PLA2G4B: variants seen among roughly 807,000 people sequenced by gnomAD.
The protein encoded by PLA2G4B is phospholipase A2 group IVB, also known as cytosolic phospholipase A2 beta.
A neutral mutation model predicts 95.8 loss-of-function variants in PLA2G4B; 122 were observed. That is an observed-to-expected ratio of 1.27 (90% CI 1.10 to 1.48). The LOEUF (loss-of-function observed/expected upper bound fraction) is 1.48, where lower values mean the gene tolerates loss of function less well. Among genes scored for constraint, PLA2G4B ranks in the 40% most tolerant of loss-of-function variants. PLA2G4B has a pLI of 0.00. For missense variants in PLA2G4B, 1,158 were observed against 996.2 expected (o/e 1.16, Z -2.19); for synonymous variants, 518 against 421.5 (o/e 1.23, Z -2.80).
chr15:41,848,128 C>T lies in PLA2G4B; in HGVS notation c.*268C>T. ...TGAGTAGTTGGAGCACTTGATACAT[C>T]ACAGACTCATACAAATGTGAGGCGC... On this transcript the variant is annotated 3_prime_UTR_variant, in exon 20 of 20. Transcript: ENST00000458483. 1.7e-6 allele frequency: 1 copy of T among 573,848 alleles called. No individual in the cohort carries two copies. 35.5% of individuals were successfully genotyped at this position (573,848 alleles called of 1,614,324 possible).
Position 41,843,768 on chromosome 15 carries a change from T to C in PLA2G4B, c.836T>C (p.Leu279Ser). 1 of 1,613,850 alleles carries C rather than the reference T, an allele frequency of 6.2e-7. No individual in the cohort carries two copies. The highest frequency in any genetic ancestry group is 8.5e-7 in the Non-Finnish European group (1 of 1,179,800). The change falls in exon 11 of 20, where the codon TTG (leucine) becomes TCG (serine). Residue 279 changes from leucine (L) to serine (S), a missense_variant. Physicochemically the swap from Leu to Ser is moderately radical, Grantham distance 145. Transcript: ENST00000458483. ...AGGAAGCAGGTGGTGGCCGCGGCCT[T>C]GAGGCAGGCCCTGCAGCTGGACGGA... is the stretch of plus-strand genomic sequence containing the variant. ...SRRKQVVAAA[L>S]RQALQLDGDL...
rs1192212665 is a variant in PLA2G4B at position 41,845,979 on chromosome 15, A to G, written c.1532A>G (p.Asp511Gly). ...AACCTGTATGCAGCCAACCTCCAGG[A>G]CAGCTTATACTGGGCCTCAGAGCCC... The part of the protein sequence containing the change: ...WSNLYAANLQ[D>G]SLYWASEPSQ... The change falls in exon 16 of 20, where the codon GAC (aspartate) becomes GGC (glycine). Residue 511 changes from aspartate to glycine, a missense_variant. Coordinates refer to ENST00000458483, the MANE Select transcript of PLA2G4B (RefSeq NM_001114633.2). 1.3e-6 allele frequency: 2 copies of G among 1,518,910 alleles called. No individual in the cohort carries two copies. Among genetic ancestry groups the G allele is most frequent in the Non-Finnish European group, 1.8e-6 (2 of 1,134,468 alleles). 94.1% of individuals were successfully genotyped at this position (1,518,910 alleles called of 1,614,324 possible).
chr15:41,840,058 C>T (rs767196150), intron 1 of PLA2G4B, 100 bp from the exon 2 acceptor site: 19 of 1,336,574 alleles, frequency 1.4e-5, no homozygotes, highest in Non-Finnish European at 1.8e-5. Context: ...GCCTGGGGTT[C>T]AGGATTAGGC....
At position 41,841,335 on chromosome 15, in the gene PLA2G4B, C is replaced by T. The variant is rs1363933603; in HGVS notation, c.435+62C>T. 8.7e-6 allele frequency: 14 copies of T among 1,611,302 alleles called. No homozygotes were observed. The East Asian group carries it at 2.0e-4, about 23-fold the overall frequency. ...CCCCGGGACTCCCTCATGCCAGCGA[C>T]TTGAGGTACAGGCCCACCGCTGCCT... On this transcript the variant is annotated intron_variant, in intron 6 of 19. Coordinates refer to ENST00000458483, the MANE Select transcript of PLA2G4B (RefSeq NM_001114633.2).
At position 41,839,687 on chromosome 15, in the gene PLA2G4B, C is replaced by A. The variant is rs112800008; in HGVS notation, c.10-471C>A. The stretch of plus-strand genomic sequence containing the variant: ...ATGTCCCCTGCCACCCAAGACCAGC[C>A]GGAAAGCTGCTTAGCTGGGGTGTGG... On this transcript the variant is annotated intron_variant, in intron 1 of 19. Transcript: ENST00000458483. The A allele has an allele frequency of 4.4e-3, 706 of 160,790 alleles. 8 individuals carry two copies. Among genetic ancestry groups the A allele is most frequent in the African/African-American group, 0.016 (669 of 41,736 alleles). 10.0% of individuals were successfully genotyped at this position (160,790 alleles called of 1,614,324 possible). A position where few individuals can be genotyped will look rare whatever the true frequency, so the allele number is the denominator to read the frequency against.
chr15:41,841,340 G>A (rs1163422927), intron 6 of PLA2G4B, 67 bp downstream of exon 6: 5 of 1,611,324 alleles, frequency 3.1e-6, no homozygotes, highest in Non-Finnish European at 4.2e-6. Flanking sequence ...AGCGACTTGA[G>A]GTACAGGCCC....
At position 41,842,475 on chromosome 15, in the gene PLA2G4B, C is replaced by G. The variant is rs548188617; in HGVS notation, c.706-79C>G. 1.4e-4 allele frequency: 214 copies of G among 1,567,576 alleles called. 2 individuals carry two copies. The South Asian group carries it at 2.4e-3, about 17-fold the overall frequency. On this transcript the variant is annotated intron_variant, in intron 9 of 19. Coordinates refer to ENST00000458483, the MANE Select transcript of PLA2G4B (RefSeq NM_001114633.2). ...AGACGGTGGCGGGGCGGGGGTGGTG[C>G]GCCGGGGATCAGGGTAAGAGGACCA...
rs927846710 is a variant in PLA2G4B, at chr15:41,842,061, T to C, written c.621+112T>C. 1.9e-6 allele frequency: 3 copies of C among 1,559,686 alleles called. No homozygotes were observed. The African/African-American group carries it at 4.1e-5, about 21-fold the overall frequency. On this transcript the variant is annotated intron_variant, in intron 8 of 19. Transcript: ENST00000458483. Reference sequence around the variant, plus strand: ...TGGCAGAGTGGGCACCCTGGCAGCATGTGTGGGCCCATGCTGGCCTCCCCT... The same window carrying C: ...TGGCAGAGTGGGCACCCTGGCAGCACGTGTGGGCCCATGCTGGCCTCCCCT...
intron 1 of PLA2G4B, 104 bp from the exon 2 acceptor site, chr15:41,840,054 G>A: frequency 1.6e-6 from 2 of 1,269,624 alleles, no homozygotes; most frequent in Non-Finnish European, 2.2e-6. Flanking sequence ...ATGGGCCTGG[G>A]GTTCAGGATT....
rs1055878838 is a variant in PLA2G4B at position 41,840,047 on chromosome 15, G to T, written c.10-111G>T. On this transcript the variant is annotated intron_variant, in intron 1 of 19. Coordinates refer to ENST00000458483, the MANE Select transcript of PLA2G4B (RefSeq NM_001114633.2). The stretch of plus-strand genomic sequence containing the variant: ...CAGGATTCTGATGAGATGGAGGATG[G>T]GCCTGGGGTTCAGGATTAGGCCTTG... 19 of 1,195,572 alleles carry T rather than the reference G, an allele frequency of 1.6e-5. No homozygotes were observed. In the Admixed American group the frequency reaches 4.6e-4, roughly 29 times the overall value. 74.1% of individuals were successfully genotyped at this position (1,195,572 alleles called of 1,614,324 possible).
intron 1 of PLA2G4B, 138 bp downstream of exon 1, chr15:41,839,060 C>G: frequency 1.6e-6 from 1 of 639,216 alleles, no homozygotes; most frequent in Non-Finnish European, 2.6e-6. Flanking sequence ...ACCAGGGTAG[C>G]GGGCAGAAGC....
rs528331855 is a variant in PLA2G4B at position 41,847,482 on chromosome 15, T to G, written c.2093T>G (p.Phe698Cys). ...CCCGGAGCCCCTGCGGTGCTGCACT[T>G]TCCTCTGGTCAGCGACTCCTTCCGG... is the stretch of plus-strand genomic sequence containing the variant. ...TCPGAPAVLH[F>C]PLVSDSFREY... is the part of the protein sequence containing the mutation. Residue 698 changes from phenylalanine (F) to cysteine (C), a missense_variant, in exon 19 of 20, where the codon TTT (phenylalanine) becomes TGT (cysteine). By Grantham distance (205) the Phe-to-Cys change is radical. Coordinates refer to ENST00000458483, the MANE Select transcript of PLA2G4B (RefSeq NM_001114633.2). 1.9e-6 allele frequency: 3 copies of G among 1,611,002 alleles called. No individual in the cohort carries two copies. The South Asian group carries it at 3.3e-5, about 18-fold the overall frequency.
rs1460891083 is a variant in PLA2G4B, at chr15:41,845,252, A to G, written c.1289A>G (p.Gln430Arg). The G allele has an allele frequency of 1.2e-6, 2 of 1,614,216 alleles. No individual in the cohort carries two copies. Among genetic ancestry groups the G allele is most frequent in the Admixed American group, 3.3e-5 (2 of 60,024 alleles). ...CAACGGGAGGCCCTGAGTCATGGCCAGAACCCTCTGCCCATCTACTGTGCC... is the reference window on the plus strand; with the variant it reads ...CAACGGGAGGCCCTGAGTCATGGCCGGAACCCTCTGCCCATCTACTGTGCC... The part of the protein sequence containing the change: ...SDQREALSHG[Q>R]NPLPIYCALN... Residue 430 changes from glutamine (Q) to arginine (R), a missense_variant, in exon 14 of 20, where the codon CAG (glutamine) becomes CGG (arginine). Coordinates refer to ENST00000458483, the MANE Select transcript of PLA2G4B (RefSeq NM_001114633.2).
rs995724729 is a variant in PLA2G4B at position 41,845,593 on chromosome 15, C to T, written c.1358-45C>T. On this transcript the variant is annotated intron_variant, in intron 14 of 19. Transcript: ENST00000458483. ...CTGGGTCGGGGTGGGGGTGTGGGTG[C>T]CTAAGGGCTCTGCACCATGAGGCTG... 2.5e-6 allele frequency: 4 copies of T among 1,611,028 alleles called. No individual in the cohort carries two copies. In the East Asian group the frequency reaches 8.9e-5, roughly 36 times the overall value.
intron 10 of PLA2G4B, 176 bp downstream of exon 10, chr15:41,842,767 G>C (rs2065458684): frequency 5.1e-6 from 5 of 984,510 alleles, no homozygotes; most frequent in Non-Finnish European, 7.2e-6. Context: ...ACTGGGAGGA[G>C]TCTTAGCACC....
chr15:41,844,972 C>G lies in PLA2G4B; in HGVS notation c.1141C>G (p.Arg381Gly). 3 of 1,610,954 alleles carry G rather than the reference C, an allele frequency of 1.9e-6. No individual in the cohort carries two copies. Among genetic ancestry groups the G allele is most frequent in the Non-Finnish European group, 2.5e-6 (3 of 1,178,786 alleles). ...LGVLAPSQLQ[R>G]YRQELAERAR... ...TGTGCTGGCCCCCAGCCAGCTGCAG[C>G]GGTACCGGCAGGAGCTGGCCGAGCG... The change falls in exon 13 of 20, where the codon CGG becomes GGG. Residue 381 changes from arginine to glycine, a missense_variant. Physicochemically the swap from Arg to Gly is moderately radical, Grantham distance 125. Transcript: ENST00000458483.
At position 41,843,379 on chromosome 15, in the gene PLA2G4B, AG is replaced by A. The variant is rs150019159; in HGVS notation, c.744-289del. Among the ~76,000 whole-genome samples the A allele has an allele frequency of 3.8e-4, 58 of 151,326 alleles. No individual in the cohort carries two copies. The East Asian group carries it at 4.7e-3, about 12-fold the overall frequency. Reference sequence around the variant, plus strand: ...GTAAGGGACAGAACACGAGACTTGGAGGGGGGGGATCTATGGTATGGGGCCT... The same window carrying A: ...GTAAGGGACAGAACACGAGACTTGGAGGGGGGGATCTATGGTATGGGGCCT... On this transcript the variant is annotated intron_variant, in intron 10 of 19. Coordinates refer to ENST00000458483, the MANE Select transcript of PLA2G4B (RefSeq NM_001114633.2).
intron 1 of PLA2G4B, 125 bp from the exon 2 acceptor site, chr15:41,840,033 T>G (rs2140887483): frequency 1.3e-4 from 135 of 1,024,150 alleles, no homozygotes; most frequent in Non-Finnish European, 1.7e-4. Context: ...AGGATTCTGA[T>G]GAGATGGAGG....
Position 41,844,876 on chromosome 15 carries a change from G to C in PLA2G4B, c.1045G>C (p.Glu349Gln), listed in dbSNP as rs762050741. The C allele has an allele frequency of 1.2e-6, 2 of 1,610,198 alleles. No individual in the cohort carries two copies. Among genetic ancestry groups the C allele is most frequent in the Admixed American group, 1.7e-5 (1 of 59,534 alleles). Residue 349 changes from glutamate to glutamine, a missense_variant, in exon 13 of 20, where the codon GAG (glutamate) becomes CAG (glutamine). Transcript: ENST00000458483. Reference sequence around the variant, plus strand: ...CTTGGCCAACCTTTATGAGGACCCAGAGTGGTCTCAGAAGGACCTGGCAGG... The same window carrying C: ...CTTGGCCAACCTTTATGAGGACCCACAGTGGTCTCAGAAGGACCTGGCAGG... ...WALANLYEDP[E>Q]WSQKDLAGPT...
Sources: allele counts gnomAD v4.1 joint callset (sites outside exome capture counted in the v4.1 genomes callset), GRCh38; gene constraint gnomAD v4.1.1; transcripts MANE v1.5; gene names NCBI Gene and HGNC (gene_info 2026-07-23, HGNC 2026-07-21).